STK31: variants seen among roughly 807,000 people sequenced by gnomAD.
STK31 encodes the protein serine/threonine kinase 31.
STK31 carries 89 observed loss-of-function variants against 129.7 expected under a neutral mutation model. That is an observed-to-expected ratio of 0.69 (90% CI 0.58 to 0.82). STK31 has a LOEUF of 0.82. Ranked by LOEUF, STK31 falls within the 40% of genes least tolerant of loss-of-function variation. The pLI is 0.00. For synonymous variants in STK31, 448 were observed against 395.3 expected, an observed-to-expected ratio of 1.13 and a Z score of -1.58; for missense variants, 1,187 against 1,176.4, an observed-to-expected ratio of 1.01 and a Z score of -0.13.
In STK31 at chr7:23,735,574, G is replaced by A; in HGVS notation, c.520G>A (p.Glu174Lys). The change falls in exon 7 of 24, where the codon GAA (glutamate) becomes AAA (lysine). Residue 174 changes from glutamate to lysine, a missense_variant. Coordinates refer to ENST00000355870, the MANE Select transcript of STK31 (RefSeq NM_031414.5). ...TFLGSLIFEK[E>K]IKMRIKATSE... is the part of the protein sequence containing the mutation. ...TTTGGGGAGCTTGATTTTTGAAAAG[G>A]AAATAAAAATGAGAATTAAAGCAAC... The A allele has an allele frequency of 6.2e-7, 1 of 1,605,294 alleles. No homozygotes were observed. The highest frequency in any genetic ancestry group is 1.1e-5 in the South Asian group (1 of 89,268).
intron 23 of STK31, among the ~76,000 whole-genome samples, chr7:23,827,670 C>G (rs1171996651): frequency 2.0e-5 from 3 of 152,174 alleles, no homozygotes; most frequent in Non-Finnish European, 4.4e-5. Context: ...AGGAGAGGCT[C>G]TGATTTTTAG....
intron 17 of STK31, among the ~76,000 whole-genome samples, chr7:23,784,444 A>G (rs1791136221): frequency 6.6e-6 from 1 of 152,166 alleles, no homozygotes. Context: ...TTTTCTTGCA[A>G]CTATTTAGCT....
At chr7:23,727,158 A>G (rs1787137272) in intron 4 of STK31, 83 bp from the exon 5 acceptor site, 2 of 1,072,928 alleles carry the variant, frequency 1.9e-6, no homozygotes, top group Non-Finnish European at 2.8e-6. Flanking sequence ...GACATATAGG[A>G]AGAGCTTAAA....
intron 6 of STK31, among the ~76,000 whole-genome samples, chr7:23,733,326 G>T (rs1787535985): frequency 6.6e-6 from 1 of 151,888 alleles, no homozygotes; most frequent in South Asian, 2.1e-4. Flanking sequence ...TGAAGTGGGA[G>T]GATTGCTTGG....
At chr7:23,791,745 A>C (rs768113231) in intron 22 of STK31, among the ~76,000 whole-genome samples, 4 of 152,248 alleles carry the variant, frequency 2.6e-5, no homozygotes, top group Admixed American at 6.5e-5. Flanking sequence ...CATAAATAAA[A>C]ATAATCTCCT....
intron 13 of STK31, 68 bp from the exon 14 acceptor site, chr7:23,770,937 G>A: frequency 1.4e-6 from 2 of 1,465,868 alleles, no homozygotes; most frequent in Non-Finnish European, 1.8e-6. Context: ...TTTATCTATT[G>A]TTATTGGAGG....
At chr7:23,822,149 G>T (rs1285323421) in intron 23 of STK31, among the ~76,000 whole-genome samples, 5 of 151,886 alleles carry the variant, frequency 3.3e-5, no homozygotes, top group African/African-American at 1.2e-4. Flanking sequence ...TGAAATTTAG[G>T]ATTTTTTTCT....
At chr7:23,781,873 A>G (rs1790950438) in intron 16 of STK31, among the ~76,000 whole-genome samples, 1 of 152,076 alleles carries the variant, frequency 6.6e-6, no homozygotes, top group African/African-American at 2.4e-5. Flanking sequence ...ACACTTTTGC[A>G]TATTGCCTTT....
chr7:23,764,457 G>A (rs1232768474), intron 11 of STK31, among the ~76,000 whole-genome samples: 1 of 152,080 alleles, frequency 6.6e-6, no homozygotes, highest in African/African-American at 2.4e-5. Context: ...ATCCAAGAAA[G>A]ATATTTCTAT....
intron 22 of STK31, among the ~76,000 whole-genome samples, chr7:23,799,895 GA>G (rs1792253533): frequency 1.3e-5 from 2 of 151,544 alleles, no homozygotes; most frequent in South Asian, 4.2e-4. Flanking sequence ...TTTACAAAAA[GA>G]AAACAACCCC....
rs574575681 is a variant in STK31 at position 23,791,964 on chromosome 7, A to G, written c.2760+1018A>G. Reference sequence around the variant, plus strand: ...TTCCAGTAGTACTTTATTTATGGATATTGAAATTTGAATTTCATGTAGTAT... The same window carrying G: ...TTCCAGTAGTACTTTATTTATGGATGTTGAAATTTGAATTTCATGTAGTAT... On this transcript the variant is annotated intron_variant, in intron 22 of 23. Transcript: ENST00000355870. Among the ~76,000 whole-genome samples the G allele has an allele frequency of 2.0e-5, 3 of 152,322 alleles. No homozygotes were observed. The East Asian group carries it at 5.8e-4, about 29-fold the overall frequency.
chr7:23,803,598 A>T (rs1204654894), intron 22 of STK31, among the ~76,000 whole-genome samples: 3 of 152,110 alleles, frequency 2.0e-5, no homozygotes, highest in Non-Finnish European at 2.9e-5. Context: ...AAACGTTTAA[A>T]TTAGGTTTGG....
intron 5 of STK31, 97 bp downstream of exon 5, chr7:23,727,412 G>A: frequency 1.0e-6 from 1 of 966,284 alleles, no homozygotes; most frequent in Non-Finnish European, 1.6e-6. Context: ...CTTATTCGTA[G>A]TACTGATACC....
intron 6 of STK31, among the ~76,000 whole-genome samples, chr7:23,730,876 A>ATTTTTTTTT (rs1490417846): frequency 6.7e-5 from 4 of 59,980 alleles, no homozygotes; most frequent in Non-Finnish European, 1.0e-4. Flanking sequence ...ATATATATAT[A>ATTTTTTTTT]TATTTTTTTT....
intron 6 of STK31, 50 bp from the exon 7 acceptor site, chr7:23,735,488 G>A (rs1445786471): frequency 4.1e-6 from 6 of 1,461,956 alleles, no homozygotes; most frequent in South Asian, 1.4e-5. Flanking sequence ...AACAAAATAA[G>A]GGAAGAGAAA....
intron 12 of STK31, among the ~76,000 whole-genome samples, chr7:23,769,389 T>C (rs115069580): frequency 0.098 from 14,920 of 152,154 alleles, 1,036 homozygotes; most frequent in African/African-American, 0.2. Flanking sequence ...TCCTCCTTTT[T>C]CTCAGCTTTT....
intron 11 of STK31, 28 bp from the exon 12 acceptor site, chr7:23,768,967 T>G (rs536741530): frequency 1.1e-5 from 17 of 1,510,530 alleles, no homozygotes; most frequent in Non-Finnish European, 1.5e-5. Context: ...TAATAAACTT[T>G]AATAAACAGA....
At chr7:23,829,843 CT>C (rs1794434520) in intron 23 of STK31, among the ~76,000 whole-genome samples, 1 of 152,220 alleles carries the variant, frequency 6.6e-6, no homozygotes, top group Non-Finnish European at 1.5e-5. Flanking sequence ...CTATTTCTTA[CT>C]GATTCAAACC....
intron 23 of STK31, among the ~76,000 whole-genome samples, chr7:23,828,592 C>G (rs1330325043): frequency 1.3e-5 from 2 of 152,050 alleles, no homozygotes; most frequent in Non-Finnish European, 2.9e-5. Flanking sequence ...GTGCGCTGCA[C>G]CCACTGTCCT....
Sources: gnomAD v4.1 joint callset for allele counts (sites outside exome capture counted in the v4.1 genomes callset) on GRCh38, gnomAD v4.1.1 for gene constraint, MANE v1.5 for transcripts, NCBI Gene and HGNC (gene_info 2026-07-23, HGNC 2026-07-21) for gene names.